The following SYT1 variants were observed in gnomAD, a reference collection of about 807,000 sequenced individuals.
SYT1 encodes the protein synaptotagmin 1.
A neutral mutation model predicts 44.8 loss-of-function variants in SYT1; 8 were observed. The observed-to-expected ratio is 0.18, with a 90% CI of 0.10 to 0.32. The LOEUF is 0.32. Among genes scored for constraint, SYT1 ranks in the 10% least tolerant of loss-of-function variants. The probability of loss-of-function intolerance (pLI) is 1.00; values close to 1 mark genes in which losing one functional copy is unlikely to be tolerated. For missense variants in SYT1, 286 were observed against 509.3 expected, an observed-to-expected ratio of 0.56 and a Z score of 4.22; for synonymous variants, 154 against 188.8, an observed-to-expected ratio of 0.82 and a Z score of 1.51.
chr12:79,366,961 C>T (rs1378427751), intron 9 of SYT1, among the ~76,000 whole-genome samples: 1 of 140,818 alleles, frequency 7.1e-6, no homozygotes, highest in Non-Finnish European at 1.5e-5. Context: ...AAGAATGCCT[C>T]TTCATTATTT....
chr12:78,927,677 AAT>A, intron 1 of SYT1, among the ~76,000 whole-genome samples: 2 of 152,256 alleles, frequency 1.3e-5, no homozygotes, highest in South Asian at 4.1e-4. Flanking sequence ...GCAAGGAAAA[AAT>A]ATATTAGCTT....
chr12:79,314,077 G>A (rs1880953993), intron 8 of SYT1, among the ~76,000 whole-genome samples: 1 of 148,364 alleles, frequency 6.7e-6, no homozygotes, highest in Admixed American at 6.7e-5. Context: ...GCTGAGGCAG[G>A]AGAATGGCGT....
At chr12:79,397,563 C>T (rs1884919448) in intron 9 of SYT1, among the ~76,000 whole-genome samples, 1 of 152,102 alleles carries the variant, frequency 6.6e-6, no homozygotes, top group Non-Finnish European at 1.5e-5. Context: ...GATCTGCCTG[C>T]ATTTTGGAAT....
intron 8 of SYT1, among the ~76,000 whole-genome samples, chr12:79,329,550 A>T (rs762561887): frequency 2.0e-5 from 3 of 152,238 alleles, no homozygotes; most frequent in Non-Finnish European, 4.4e-5. Flanking sequence ...CACTTTCCAC[A>T]TTCTAGGCAC....
chr12:78,900,610 T>C (rs980565137), intron 1 of SYT1, among the ~76,000 whole-genome samples: 3 of 151,652 alleles, frequency 2.0e-5, no homozygotes, highest in Non-Finnish European at 4.4e-5. Context: ...GAAGGCACAT[T>C]AGAGTGGAGC....
chr12:78,942,440 A>G (rs1436487547), intron 1 of SYT1, among the ~76,000 whole-genome samples: 3 of 152,080 alleles, frequency 2.0e-5, no homozygotes, highest in Non-Finnish European at 4.4e-5. Context: ...GCCTCTCTCC[A>G]TCTTTCCAAT....
intron 3 of SYT1, among the ~76,000 whole-genome samples, chr12:79,113,417 A>G (rs1474696561): frequency 6.6e-6 from 1 of 152,156 alleles, no homozygotes; most frequent in Non-Finnish European, 1.5e-5. Flanking sequence ...CTTTGAAACT[A>G]CGTTGTATTC....
chr12:78,914,752 T>A (rs1466428497), intron 1 of SYT1, among the ~76,000 whole-genome samples: 1 of 152,078 alleles, frequency 6.6e-6, no homozygotes, highest in African/African-American at 2.4e-5. Context: ...TTTTTCTTCT[T>A]ATAAAATCTC....
chr12:79,074,322 G>T (rs1037366417), intron 3 of SYT1, among the ~76,000 whole-genome samples: 1 of 152,110 alleles, frequency 6.6e-6, no homozygotes, highest in African/African-American at 2.4e-5. Context: ...CCCAACATGT[G>T]TATTCAGTAC....
chr12:78,900,198 G>A (rs768344944), intron 1 of SYT1, among the ~76,000 whole-genome samples: 5 of 151,996 alleles, frequency 3.3e-5, no homozygotes, highest in Non-Finnish European at 7.4e-5. Flanking sequence ...CTGAGGTGAT[G>A]TTTATTTACT....
chr12:79,137,693 T>C (rs1461010490), intron 3 of SYT1, among the ~76,000 whole-genome samples: 2 of 152,226 alleles, frequency 1.3e-5, no homozygotes, highest in Non-Finnish European at 2.9e-5. Flanking sequence ...ATTTGGTTTA[T>C]TCATAAACAT....
chr12:78,900,604 G>T (rs531610275), intron 1 of SYT1, among the ~76,000 whole-genome samples: 1 of 152,108 alleles, frequency 6.6e-6, no homozygotes, highest in Non-Finnish European at 1.5e-5. Flanking sequence ...TGGAGAGAAG[G>T]CACATTAGAG....
chr12:79,136,240 C>T (rs750901394), intron 3 of SYT1, among the ~76,000 whole-genome samples: 13 of 152,238 alleles, frequency 8.5e-5, no homozygotes, highest in Non-Finnish European at 1.6e-4. Flanking sequence ...CAGTCTGGCA[C>T]CTGGTAACTG....
intron 1 of SYT1, among the ~76,000 whole-genome samples, chr12:78,940,085 T>C (rs1227316835): frequency 6.6e-5 from 10 of 152,176 alleles, no homozygotes; most frequent in African/African-American, 2.4e-4. Context: ...TTGCCATCTC[T>C]CTACTTAAAT....
intron 3 of SYT1, among the ~76,000 whole-genome samples, chr12:79,179,474 T>TCC (rs1301277166): frequency 6.7e-5 from 7 of 104,840 alleles, no homozygotes; most frequent in African/African-American, 2.5e-4. Flanking sequence ...TAGATATAGA[T>TCC]ATAGAGATAT....
intron 2 of SYT1, among the ~76,000 whole-genome samples, chr12:79,005,245 C>T (rs566714474): frequency 3.0e-4 from 46 of 151,968 alleles, no homozygotes; most frequent in African/African-American, 1.1e-3. Context: ...TATATCTGAA[C>T]CTATTTATTA....
intron 3 of SYT1, among the ~76,000 whole-genome samples, chr12:79,098,851 CG>C (rs772540172): frequency 6.6e-6 from 1 of 152,116 alleles, no homozygotes; most frequent in Non-Finnish European, 1.5e-5. Context: ...TGCCTCTCCA[CG>C]TGCCATTTTA....
intron 1 of SYT1, among the ~76,000 whole-genome samples, chr12:78,912,670 T>C (rs1876407406): frequency 6.6e-6 from 1 of 151,930 alleles, no homozygotes; most frequent in Non-Finnish European, 1.5e-5. Flanking sequence ...CAGGAACTTT[T>C]TAAAAAAGAT....
intron 3 of SYT1, among the ~76,000 whole-genome samples, chr12:79,215,721 A>G (rs1406421839): frequency 6.6e-6 from 1 of 152,088 alleles, no homozygotes; most frequent in Non-Finnish European, 1.5e-5. Flanking sequence ...GAAATAGTCA[A>G]TTATAAAATA....
Sources: allele counts gnomAD v4.1 joint callset (sites outside exome capture counted in the v4.1 genomes callset), GRCh38; gene constraint gnomAD v4.1.1; transcripts MANE v1.5; gene names NCBI Gene and HGNC (gene_info 2026-07-23, HGNC 2026-07-21).